The following DNAJC3 variants were observed in gnomAD, a reference collection of about 807,000 sequenced individuals.
The protein encoded by DNAJC3 is dnaJ homolog subfamily C member 3.
A neutral mutation model predicts 68.6 loss-of-function variants in DNAJC3; 38 were observed. That is an observed-to-expected ratio of 0.55 (90% CI 0.43 to 0.73). The LOEUF is 0.73. Among genes scored for constraint, DNAJC3 ranks in the 30% least tolerant of loss-of-function variants. The pLI, the probability that DNAJC3 is intolerant of heterozygous loss-of-function variation, is 0.00. For missense variants in DNAJC3, 526 were observed against 591.9 expected, an observed-to-expected ratio of 0.89 and a Z score of 1.16; for synonymous variants, 203 against 204.0, an observed-to-expected ratio of 1.00 and a Z score of 0.04.
intron 1 of DNAJC3, among the ~76,000 whole-genome samples, chr13:95,689,478 TTC>T (rs1193856702): frequency 6.6e-6 from 1 of 152,058 alleles, no homozygotes; most frequent in Non-Finnish European, 1.5e-5. Context: ...TATTTGAATC[TTC>T]TCTCTTTTTT....
chr13:95,687,181 T>C (rs1276484074), intron 1 of DNAJC3, among the ~76,000 whole-genome samples: 2 of 152,190 alleles, frequency 1.3e-5, no homozygotes, highest in Non-Finnish European at 2.9e-5. Flanking sequence ...GCTTGAATAT[T>C]GTTGGTGTAT....
intron 1 of DNAJC3, among the ~76,000 whole-genome samples, chr13:95,689,668 G>A (rs1191180655): frequency 6.6e-6 from 1 of 150,502 alleles, no homozygotes; most frequent in Non-Finnish European, 1.5e-5. Flanking sequence ...TATTTTTCTA[G>A]TTCCTTGAGG....
chr13:95,741,452 G>A (rs1347863685), intron 4 of DNAJC3, among the ~76,000 whole-genome samples: 1 of 152,192 alleles, frequency 6.6e-6, no homozygotes, highest in East Asian at 1.9e-4. Flanking sequence ...CCTAGTGGGG[G>A]CAATAACAGG....
At chr13:95,707,930 T>C (rs1880811712) in intron 1 of DNAJC3, among the ~76,000 whole-genome samples, 1 of 152,084 alleles carries the variant, frequency 6.6e-6, no homozygotes, top group African/African-American at 2.4e-5. Flanking sequence ...CTTTCATGTA[T>C]AGGTGAGCGA....
At chr13:95,709,628 C>CTTTTTTTTT (rs955053415) in intron 2 of DNAJC3, among the ~76,000 whole-genome samples, 1 of 112,180 alleles carries the variant, frequency 8.9e-6, no homozygotes, top group African/African-American at 3.6e-5. Flanking sequence ...TGGCTTCTGA[C>CTTTTTTTTT]TTTTTTTTTT....
intron 2 of DNAJC3, among the ~76,000 whole-genome samples, chr13:95,713,259 CTG>C (rs901763619): frequency 3.3e-5 from 5 of 152,292 alleles, no homozygotes; most frequent in Middle Eastern, 3.4e-3. Context: ...AGAAATAAAA[CTG>C]TCATTCACAG....
At position 95,707,741 on chromosome 13, in the gene DNAJC3, A is replaced by G. The variant is rs867622659; in HGVS notation, c.83-1486A>G. ...GAGAGTAACTAAAGATGTAAAGAGA[A>G]CTCTAACGGATATTCTAGGACTAAG... On this transcript the variant is annotated intron_variant, in intron 1 of 11. Coordinates refer to ENST00000602402, the MANE Select transcript of DNAJC3 (RefSeq NM_006260.5). 1.2e-3 allele frequency among the ~76,000 whole-genome samples: 178 copies of G among 152,216 alleles called. 11 individuals carry two copies. The highest frequency in any genetic ancestry group is 2.3e-3 in the South Asian group (11 of 4,824).
intron 2 of DNAJC3, among the ~76,000 whole-genome samples, chr13:95,722,448 A>G (rs1304770402): frequency 6.6e-6 from 1 of 152,062 alleles, no homozygotes; most frequent in Non-Finnish European, 1.5e-5. Flanking sequence ...GAATCTCCAT[A>G]GAGACAAACT....
chr13:95,778,563 G>C (rs538587506), intron 9 of DNAJC3, among the ~76,000 whole-genome samples: 1 of 152,286 alleles, frequency 6.6e-6, no homozygotes, highest in East Asian at 1.9e-4. Context: ...AAGACATTTT[G>C]CTAAATTTAA....
chr13:95,722,970 T>A (rs1881384161), intron 2 of DNAJC3, among the ~76,000 whole-genome samples: 1 of 151,974 alleles, frequency 6.6e-6, no homozygotes, highest in Non-Finnish European at 1.5e-5. Flanking sequence ...TGTTCTTTCT[T>A]TTTTTTGGGC....
chr13:95,715,439 G>A (rs1881105542), intron 2 of DNAJC3, among the ~76,000 whole-genome samples: 1 of 151,786 alleles, frequency 6.6e-6, no homozygotes, highest in Admixed American at 6.6e-5. Flanking sequence ...GATCTGGCAA[G>A]TAGCAGTGAC....
intron 10 of DNAJC3, 38 bp downstream of exon 10, chr13:95,786,109 A>G (rs774044250): frequency 1.3e-6 from 2 of 1,551,786 alleles, no homozygotes; most frequent in Non-Finnish European, 1.7e-6. Context: ...GCTATTTTTA[A>G]TCAACTCTGT....
rs910715226 is a variant in DNAJC3 at position 95,794,606 on chromosome 13, T to C, written c.*3576T>C. ...AAATGACGTTAAGAGGTGGGATTATTTGGGGGTTTTTTTTGTTTGTTTACA... is the reference window on the plus strand; with the variant it reads ...AAATGACGTTAAGAGGTGGGATTATCTGGGGGTTTTTTTTGTTTGTTTACA... On this transcript the variant is annotated 3_prime_UTR_variant, in exon 12 of 12. Transcript: ENST00000602402. 2.0e-5 allele frequency: 3 copies of C among 152,216 alleles called. No individual in the cohort carries two copies. Among genetic ancestry groups the C allele is most frequent in the African/African-American group, 7.2e-5 (3 of 41,470 alleles). The allele number at this position is 152,216 out of a possible 1,614,324, so 9.4% of individuals were successfully genotyped here. A position where few individuals can be genotyped will look rare whatever the true frequency, so the allele number is the denominator to read the frequency against.
At chr13:95,752,447 T>C (rs1452446546) in intron 4 of DNAJC3, among the ~76,000 whole-genome samples, 1 of 152,238 alleles carries the variant, frequency 6.6e-6, no homozygotes, top group Non-Finnish European at 1.5e-5. Flanking sequence ...TATCTGCTTC[T>C]ATATTCAATC....
intron 9 of DNAJC3, among the ~76,000 whole-genome samples, chr13:95,779,119 C>CTA (rs1883366489): frequency 1.0e-5 from 1 of 97,974 alleles, no homozygotes; most frequent in African/African-American, 4.4e-5. Flanking sequence ...TTTCTTCTTT[C>CTA]TTTTTTTTTT....
In DNAJC3 at chr13:95,705,610, C is replaced by G. The variant is rs544501620; in HGVS notation, c.83-3617C>G. Among the ~76,000 whole-genome samples the G allele has an allele frequency of 2.0e-5, 3 of 151,878 alleles. No individual in the cohort carries two copies. The South Asian group carries it at 6.2e-4, about 32-fold the overall frequency. ...TGGCACGATCATAGCTCACTGCAGA[C>G]TTGAACTCCTGGGCTCAAAGGATCC... On this transcript the variant is annotated intron_variant, in intron 1 of 11. Coordinates refer to ENST00000602402, the MANE Select transcript of DNAJC3 (RefSeq NM_006260.5).
chr13:95,773,989 C>A (rs1883234343), intron 9 of DNAJC3, among the ~76,000 whole-genome samples: 1 of 152,152 alleles, frequency 6.6e-6, no homozygotes. Flanking sequence ...CCCGCCTTGG[C>A]CTCCCAAAGT....
At position 95,791,340 on chromosome 13, in the gene DNAJC3, A is replaced by T; in HGVS notation, c.*310A>T. On this transcript the variant is annotated 3_prime_UTR_variant, in exon 12 of 12. Transcript: ENST00000602402. ...CACGTATTCTGTATTATTTTTCTAC[A>T]CTGGAGCTGAGATTCTTCTCTTCAC... is the stretch of plus-strand genomic sequence containing the variant. 3.0e-6 allele frequency: 1 copy of T among 334,712 alleles called. No individual in the cohort carries two copies. Among genetic ancestry groups the T allele is most frequent in the Non-Finnish European group, 5.6e-6 (1 of 180,102 alleles). 20.7% of individuals were successfully genotyped at this position (334,712 alleles called of 1,614,324 possible).
intron 1 of DNAJC3, among the ~76,000 whole-genome samples, chr13:95,689,292 A>C (rs1254659828): frequency 6.7e-6 from 1 of 149,516 alleles, no homozygotes; most frequent in African/African-American, 2.5e-5. Flanking sequence ...TTATTGGTCT[A>C]TTCAGGATTT....
Sources: allele counts gnomAD v4.1 joint callset (sites outside exome capture counted in the v4.1 genomes callset), GRCh38; gene constraint gnomAD v4.1.1; transcripts MANE v1.5; gene names NCBI Gene and HGNC (gene_info 2026-07-23, HGNC 2026-07-21).